Variants in LHFPL6 observed in about 807,000 individuals in gnomAD.
The protein encoded by LHFPL6 is LHFPL tetraspan subfamily member 6, also known as LHFPL tetraspan subfamily member 6 protein.
A neutral mutation model predicts 20.6 loss-of-function variants in LHFPL6; 9 were observed. That is an observed-to-expected ratio of 0.44 (90% CI 0.26 to 0.76). The LOEUF is 0.76. Ranked by LOEUF, LHFPL6 falls within the 30% of genes least tolerant of loss-of-function variation. The pLI is 0.20. For missense variants in LHFPL6, 218 were observed against 253.5 expected (o/e 0.86, Z 0.95); for synonymous variants, 105 against 98.7 (o/e 1.06, Z -0.38).
intron 2 of LHFPL6, among the ~76,000 whole-genome samples, chr13:39,524,399 C>A (rs1359431354): frequency 2.0e-5 from 3 of 150,842 alleles, no homozygotes; most frequent in South Asian, 2.1e-4. Flanking sequence ...TCCATAAAAA[C>A]CACATTTATT....
At chr13:39,580,107 T>C (rs1291962304) in intron 2 of LHFPL6, among the ~76,000 whole-genome samples, 2 of 152,184 alleles carry the variant, frequency 1.3e-5, no homozygotes, top group East Asian at 3.8e-4. Flanking sequence ...TTGGTCTCAG[T>C]GGTTATGCAA....
chr13:39,553,781 A>G (rs1871216179), intron 2 of LHFPL6, among the ~76,000 whole-genome samples: 1 of 152,224 alleles, frequency 6.6e-6, no homozygotes, highest in Admixed American at 6.5e-5. Flanking sequence ...ATGAAAACAA[A>G]CTTTACCTAG....
At chr13:39,404,810 CTAGACTGTTT>C (rs1315836768) in intron 2 of LHFPL6, among the ~76,000 whole-genome samples, 3 of 152,168 alleles carry the variant, frequency 2.0e-5, no homozygotes, top group African/African-American at 7.2e-5. Flanking sequence ...GAGCCAAGAC[CTAGACTGTTT>C]TATTATCACA....
chr13:39,510,858 AATC>A (rs1869672677), intron 2 of LHFPL6, among the ~76,000 whole-genome samples: 1 of 141,852 alleles, frequency 7.0e-6, no homozygotes, highest in South Asian at 2.4e-4. Flanking sequence ...TGGTATTTGT[AATC>A]ATTACTTTAA....
At chr13:39,569,857 T>C (rs1232137762) in intron 2 of LHFPL6, among the ~76,000 whole-genome samples, 1 of 152,182 alleles carries the variant, frequency 6.6e-6, no homozygotes, top group Non-Finnish European at 1.5e-5. Flanking sequence ...TGGAAAATTA[T>C]GAAAATGCTA....
At chr13:39,530,351 T>C (rs185002431) in intron 2 of LHFPL6, among the ~76,000 whole-genome samples, 1 of 142,856 alleles carries the variant, frequency 7.0e-6, no homozygotes, top group African/African-American at 2.6e-5. Flanking sequence ...TGAAACAGAG[T>C]GCGGAGGGGA....
At chr13:39,572,451 C>T (rs1276071029) in intron 2 of LHFPL6, among the ~76,000 whole-genome samples, 2 of 152,056 alleles carry the variant, frequency 1.3e-5, no homozygotes, top group Non-Finnish European at 2.9e-5. Context: ...TCAGAGGTTC[C>T]AGTCCGATTC....
chr13:39,527,489 G>A (rs1355680536), intron 2 of LHFPL6, among the ~76,000 whole-genome samples: 1 of 149,308 alleles, frequency 6.7e-6, no homozygotes, highest in African/African-American at 2.5e-5. Context: ...CGACAACATG[G>A]TTCCATCTGT....
intron 2 of LHFPL6, among the ~76,000 whole-genome samples, chr13:39,426,054 T>C (rs1466941387): frequency 6.6e-6 from 1 of 152,174 alleles, no homozygotes; most frequent in Admixed American, 6.5e-5. Context: ...TGTGTACAAG[T>C]GAATGGCATT....
At chr13:39,560,160 T>C (rs1365597091) in intron 2 of LHFPL6, among the ~76,000 whole-genome samples, 1 of 152,200 alleles carries the variant, frequency 6.6e-6, no homozygotes, top group Non-Finnish European at 1.5e-5. Flanking sequence ...TCAACATTAA[T>C]AATAAGTTAA....
intron 2 of LHFPL6, among the ~76,000 whole-genome samples, 170 bp from the exon 3 acceptor site, chr13:39,378,696 T>C (rs931465479): frequency 2.0e-5 from 3 of 152,148 alleles, no homozygotes; most frequent in African/African-American, 7.2e-5. Context: ...CAACAACAAT[T>C]TCAAGTCAGC....
At chr13:39,517,403 G>A (rs1184683816) in intron 2 of LHFPL6, among the ~76,000 whole-genome samples, 1 of 152,006 alleles carries the variant, frequency 6.6e-6, no homozygotes, top group Non-Finnish European at 1.5e-5. Flanking sequence ...TTTTTGCTCT[G>A]GTTTTACAAA....
chr13:39,486,782 C>T (rs576911717), intron 2 of LHFPL6, among the ~76,000 whole-genome samples: 1 of 152,330 alleles, frequency 6.6e-6, no homozygotes, highest in South Asian at 2.1e-4. Flanking sequence ...AAAAGAAAAA[C>T]AGTGTAGTTC....
chr13:39,559,324 G>C (rs576767751), intron 2 of LHFPL6, among the ~76,000 whole-genome samples: 1 of 152,338 alleles, frequency 6.6e-6, no homozygotes, highest in East Asian at 1.9e-4. Context: ...GAGTTGATCA[G>C]AGGAGACAAA....
chr13:39,358,610 A>T (rs1199334258), intron 3 of LHFPL6, among the ~76,000 whole-genome samples: 1 of 152,126 alleles, frequency 6.6e-6, no homozygotes, highest in African/African-American at 2.4e-5. Context: ...GACAGCCTAC[A>T]GAATGGGAGA....
At chr13:39,379,211 T>A (rs1362378281) in intron 2 of LHFPL6, among the ~76,000 whole-genome samples, 1 of 152,248 alleles carries the variant, frequency 6.6e-6, no homozygotes, top group Non-Finnish European at 1.5e-5. Flanking sequence ...GATTAAGTTA[T>A]CCTGGCAGCA....
At chr13:39,588,359 G>A (rs1872513594) in intron 2 of LHFPL6, among the ~76,000 whole-genome samples, 1 of 152,152 alleles carries the variant, frequency 6.6e-6, no homozygotes, top group Non-Finnish European at 1.5e-5. Context: ...CCAATCCCCT[G>A]GATTTACAAC....
intron 2 of LHFPL6, among the ~76,000 whole-genome samples, chr13:39,437,678 C>A (rs554566023): frequency 6.6e-6 from 1 of 152,018 alleles, no homozygotes; most frequent in Non-Finnish European, 1.5e-5. Context: ...CTGAGGCGGG[C>A]GGATCACGAG....
At chr13:39,600,294 T>C (rs527307876) in intron 2 of LHFPL6, among the ~76,000 whole-genome samples, 1 of 152,374 alleles carries the variant, frequency 6.6e-6, no homozygotes, top group Admixed American at 6.5e-5. Context: ...AAGTTCATAG[T>C]TGTTATATAA....
Sources: allele counts gnomAD v4.1 joint callset (sites outside exome capture counted in the v4.1 genomes callset), GRCh38; gene constraint gnomAD v4.1.1; transcripts MANE v1.5; gene names NCBI Gene and HGNC (gene_info 2026-07-23, HGNC 2026-07-21).